The following CFAP54 variants were observed in gnomAD, a reference collection of about 807,000 sequenced individuals.
CFAP54 encodes cilia and flagella associated protein 54.
CFAP54 carries 290 observed loss-of-function variants against 370.4 expected under a neutral mutation model. The ratio of observed to expected loss-of-function variants is 0.78; its 90% confidence interval spans 0.71 to 0.86. The LOEUF is 0.86. CFAP54 is among the 40% of genes least tolerant of loss of function. The pLI, the probability that CFAP54 is intolerant of heterozygous loss-of-function variation, is 0.00. For synonymous variants in CFAP54, 1,206 were observed against 1,236.5 expected, an observed-to-expected ratio of 0.98 and a Z score of 0.52; for missense variants, 3,399 against 3,528.7, an observed-to-expected ratio of 0.96 and a Z score of 0.93.
chr12:96,716,442 A>G (rs1171294711), intron 48 of CFAP54, among the ~76,000 whole-genome samples: 3 of 152,156 alleles, frequency 2.0e-5, no homozygotes, highest in African/African-American at 4.8e-5. Context: ...GCACTTCCAT[A>G]AGTGTTCTTA....
intron 17 of CFAP54, among the ~76,000 whole-genome samples, chr12:96,559,148 G>A (rs768665360): frequency 1.3e-5 from 2 of 152,022 alleles, no homozygotes; most frequent in Admixed American, 6.6e-5. Context: ...CCTGGGAGGC[G>A]GAGATTGCAG....
chr12:96,801,003 A>G (rs112542123), intron 63 of CFAP54, among the ~76,000 whole-genome samples: 19 of 152,286 alleles, frequency 1.2e-4, no homozygotes, highest in African/African-American at 4.3e-4. Context: ...GGTAATGAAA[A>G]TTAATAACTG....
intron 15 of CFAP54, among the ~76,000 whole-genome samples, chr12:96,551,144 G>C (rs1392237205): frequency 2.0e-5 from 3 of 152,136 alleles, no homozygotes; most frequent in Admixed American, 6.5e-5. Flanking sequence ...GATGACATGT[G>C]CCTGTAGTCC....
chr12:96,703,192 C>T (rs751612159), intron 46 of CFAP54, among the ~76,000 whole-genome samples: 2 of 152,066 alleles, frequency 1.3e-5, no homozygotes, highest in Non-Finnish European at 2.9e-5. Flanking sequence ...ACAATAGTGT[C>T]CTTGGGAAGT....
intron 2 of CFAP54, 79 bp downstream of exon 2, chr12:96,501,018 C>A: frequency 1.4e-6 from 1 of 734,368 alleles, no homozygotes; most frequent in Non-Finnish European, 2.1e-6. Context: ...TGATACCCTT[C>A]CTATTTTACA....
At chr12:96,674,105 G>T (rs10507079) in intron 39 of CFAP54, among the ~76,000 whole-genome samples, 6,007 of 152,198 alleles carry the variant, frequency 0.039, 301 homozygotes, top group African/African-American at 0.11. Flanking sequence ...TGGTGTTTAA[G>T]TTCTCTGGTA....
chr12:96,527,770 T>C (rs1565885517), intron 9 of CFAP54, among the ~76,000 whole-genome samples: 1 of 152,096 alleles, frequency 6.6e-6, no homozygotes, highest in Non-Finnish European at 1.5e-5. Flanking sequence ...GGTCTCACCG[T>C]GTTTCCCAGT....
chr12:96,618,541 A>G (rs17324768), intron 26 of CFAP54, among the ~76,000 whole-genome samples: 16,750 of 152,148 alleles, frequency 0.11, 1,007 homozygotes, highest in Middle Eastern at 0.15. Context: ...TCCTCTGTGG[A>G]CAGGAAGCAA....
chr12:96,506,399 T>C (rs1191741951), intron 3 of CFAP54, among the ~76,000 whole-genome samples: 1 of 151,722 alleles, frequency 6.6e-6, no homozygotes, highest in African/African-American at 2.4e-5. Flanking sequence ...TGTTTTTCTT[T>C]CTGAATTTCT....
At chr12:96,777,285 A>G (rs1958526693) in intron 60 of CFAP54, among the ~76,000 whole-genome samples, 1 of 152,060 alleles carries the variant, frequency 6.6e-6, no homozygotes, top group African/African-American at 2.4e-5. Context: ...AGATGAAAAA[A>G]GTGTGTGCTC....
At chr12:96,630,226 A>G in intron 31 of CFAP54, 22 bp downstream of exon 31, 1 of 1,200,110 alleles carries the variant, frequency 8.3e-7, no homozygotes. Flanking sequence ...ATGAGTTTTG[A>G]ATTTTAGGTA....
In CFAP54 at chr12:96,691,209, A is replaced by G. The variant is rs765844840; in HGVS notation, c.6163A>G (p.Ile2055Val). Residue 2055 changes from isoleucine to valine, a missense_variant, in exon 44 of 68, where the codon ATT (isoleucine) becomes GTT (valine). By Grantham distance (29) the Ile-to-Val change is conservative. Coordinates refer to ENST00000524981, the MANE Select transcript of CFAP54 (RefSeq NM_001306084.2). ...TGAAATCACTCAGCTTCTCCCAGGCATTGAACTCTTCTCAGATAGATACAG... is the reference window on the plus strand; with the variant it reads ...TGAAATCACTCAGCTTCTCCCAGGCGTTGAACTCTTCTCAGATAGATACAG... ...QYEITQLLPG[I>V]ELFSDRYRAD... 2 of 1,613,494 alleles carry G rather than the reference A, an allele frequency of 1.2e-6. No individual in the cohort carries two copies. The highest frequency in any genetic ancestry group is 1.7e-5 in the Admixed American group (1 of 59,966).
At chr12:96,497,911 T>C (rs544743412) in intron 1 of CFAP54, among the ~76,000 whole-genome samples, 1 of 152,348 alleles carries the variant, frequency 6.6e-6, no homozygotes, top group African/African-American at 2.4e-5. Context: ...CTTTCTGAGG[T>C]TGCCCAACTC....
At position 96,860,832 on chromosome 12, in the gene CFAP54, T is replaced by C; in HGVS notation, c.9185T>C (p.Ile3062Thr). The C allele has an allele frequency of 6.5e-7, 1 of 1,531,956 alleles. No homozygotes were observed. Among genetic ancestry groups the C allele is most frequent in the Non-Finnish European group, 8.7e-7 (1 of 1,145,302 alleles). The allele number at this position is 1,531,956 out of a possible 1,614,324, so 94.9% of individuals were successfully genotyped here. A position where few individuals can be genotyped will look rare whatever the true frequency, so the allele number is the denominator to read the frequency against. The stretch of plus-strand genomic sequence containing the variant: ...GTTTTTCCTCAGGTCCCATTTGATA[T>C]CTCACTGCCGTCTATATTCAATCTT... ...PTPLSEVPFDISLPSIFNLER... is the reference protein window; with the variant it reads ...PTPLSEVPFDTSLPSIFNLER... The change falls in exon 67 of 68, where the codon ATC (isoleucine) becomes ACC (threonine). Residue 3062 changes from isoleucine (I) to threonine (T), a missense_variant. Ile to Thr is a moderately conservative substitution (Grantham distance 89). Transcript: ENST00000524981.
chr12:96,870,960 A>AGGG (rs1402186974), intron 67 of CFAP54, among the ~76,000 whole-genome samples: 8 of 152,182 alleles, frequency 5.3e-5, no homozygotes, highest in African/African-American at 7.2e-5. Flanking sequence ...CATCTTGCAA[A>AGGG]ATACGTAAGG....
At chr12:96,656,314 C>T (rs984755169) in intron 36 of CFAP54, among the ~76,000 whole-genome samples, 4 of 151,858 alleles carry the variant, frequency 2.6e-5, no homozygotes, top group Non-Finnish European at 5.9e-5. Context: ...CCCCCCTCCC[C>T]TTTTGGATTG....
At chr12:96,528,237 T>G (rs146995563) in intron 9 of CFAP54, among the ~76,000 whole-genome samples, 41 of 152,272 alleles carry the variant, frequency 2.7e-4, no homozygotes, top group East Asian at 5.8e-4. Context: ...AGTGTTTTTT[T>G]TTGTTGTTGT....
chr12:96,590,849 C>A (rs1201966978), intron 23 of CFAP54, among the ~76,000 whole-genome samples: 3 of 151,990 alleles, frequency 2.0e-5, no homozygotes, highest in African/African-American at 4.8e-5. Flanking sequence ...CAGCAGGACG[C>A]CTTTGTGAAT....
At chr12:96,565,931 G>C (rs971704530) in intron 19 of CFAP54, among the ~76,000 whole-genome samples, 2 of 152,142 alleles carry the variant, frequency 1.3e-5, no homozygotes, top group African/African-American at 2.4e-5. Flanking sequence ...TCACGGGGGA[G>C]GTTTCCTCCA....
Sources: gnomAD v4.1 joint callset for allele counts (sites outside exome capture counted in the v4.1 genomes callset) on GRCh38, gnomAD v4.1.1 for gene constraint, MANE v1.5 for transcripts, NCBI Gene and HGNC (gene_info 2026-07-23, HGNC 2026-07-21) for gene names.